SLC38A9: variants seen among roughly 807,000 people sequenced by gnomAD.
SLC38A9 encodes the protein solute carrier family 38 member 9.
In SLC38A9, 48 loss-of-function variants were observed where a neutral mutation model predicts 62.3. That is an observed-to-expected ratio of 0.77 (90% CI 0.61 to 0.98). SLC38A9 has a LOEUF of 0.98. SLC38A9 is among the 50% of genes least tolerant of loss of function. The probability of loss-of-function intolerance (pLI) is 0.00; values close to 1 mark genes in which losing one functional copy is unlikely to be tolerated. For synonymous variants in SLC38A9, 204 were observed against 227.7 expected (o/e 0.90, Z 0.94); for missense variants, 541 against 679.8 (o/e 0.80, Z 2.27).
At chr5:55,671,870 C>T (rs1461665662) in intron 4 of SLC38A9, among the ~76,000 whole-genome samples, 7 of 152,042 alleles carry the variant, frequency 4.6e-5, no homozygotes, top group Non-Finnish European at 7.4e-5. Flanking sequence ...ATGGGTCACA[C>T]TCTTTTGCTC....
intron 3 of SLC38A9, among the ~76,000 whole-genome samples, chr5:55,683,651 A>G (rs13174712): frequency 0.6 from 91,231 of 152,070 alleles, 27,946 homozygotes; most frequent in South Asian, 0.7. Flanking sequence ...AGAATAATAC[A>G]ATATATATTT....
chr5:55,626,719 G>T, intron 15 of SLC38A9, 60 bp from the exon 16 acceptor site: 1 of 1,407,188 alleles, frequency 7.1e-7, no homozygotes, highest in Non-Finnish European at 9.5e-7. Context: ...TTACAATTAA[G>T]GTAAACATAG....
intron 12 of SLC38A9, among the ~76,000 whole-genome samples, chr5:55,641,266 A>C (rs980224935): frequency 1.1e-4 from 16 of 152,356 alleles, no homozygotes; most frequent in African/African-American, 3.8e-4. Context: ...TAACTTAACA[A>C]TATGGAGCAG....
intron 12 of SLC38A9, among the ~76,000 whole-genome samples, chr5:55,644,359 GTTTTCTATTTGTC>G (rs1745946546): frequency 1.2e-5 from 1 of 80,526 alleles, no homozygotes; most frequent in African/African-American, 3.8e-5. Flanking sequence ...GTCACTATTT[GTTTTCTATTTGTC>G]ACATCTATTC....
In SLC38A9 at chr5:55,664,867, G is replaced by T. The variant is rs765192231; in HGVS notation, c.527-4C>A. On this transcript the variant is annotated splice_polypyrimidine_tract_variant and splice_region_variant and intron_variant, in intron 7 of 15. Transcript: ENST00000396865. ...CAGCTAGTGGTATCCAACGAAACTAGATAAAATAAGAGAAAGAATAAAACT... is the reference window on the plus strand; with the variant it reads ...CAGCTAGTGGTATCCAACGAAACTATATAAAATAAGAGAAAGAATAAAACT... 2 of 1,506,206 alleles carry T rather than the reference G, an allele frequency of 1.3e-6. No individual in the cohort carries two copies. The highest frequency in any genetic ancestry group is 2.6e-5 in the South Asian group (2 of 75,832). 93.3% of individuals were successfully genotyped at this position (1,506,206 alleles called of 1,614,324 possible).
intron 3 of SLC38A9, among the ~76,000 whole-genome samples, chr5:55,684,732 C>T (rs1580343803): frequency 6.6e-6 from 1 of 152,236 alleles, no homozygotes; most frequent in African/African-American, 2.4e-5. Flanking sequence ...CAGCTCACTG[C>T]AGTCTCTACC....
intron 8 of SLC38A9, among the ~76,000 whole-genome samples, chr5:55,663,849 A>G (rs1327548919): frequency 6.6e-6 from 1 of 152,214 alleles, no homozygotes; most frequent in African/African-American, 2.4e-5. Context: ...CTCTTAGGGA[A>G]ATTAGCTGTT....
At chr5:55,692,939 A>T (rs1754946239) in intron 3 of SLC38A9, 1 of 980,238 alleles carries the variant, frequency 1.0e-6, no homozygotes, top group Non-Finnish European at 1.2e-6. Context: ...TAAATTTCTC[A>T]TGTGATAAAT....
At chr5:55,653,081 T>C (rs2408027) in intron 9 of SLC38A9, among the ~76,000 whole-genome samples, 90,347 of 151,856 alleles carry the variant, frequency 0.59, 27,548 homozygotes, top group South Asian at 0.7. Context: ...ATTCTCTTGT[T>C]GCAGCCTCCC....
At chr5:55,670,618 A>G (rs1217482455) in intron 4 of SLC38A9, among the ~76,000 whole-genome samples, 1 of 152,226 alleles carries the variant, frequency 6.6e-6, no homozygotes, top group Non-Finnish European at 1.5e-5. Flanking sequence ...TTGACTTCCT[A>G]GACTCATCTC....
At chr5:55,710,353 G>A (rs1427855082) in intron 2 of SLC38A9, among the ~76,000 whole-genome samples, 2 of 151,106 alleles carry the variant, frequency 1.3e-5, no homozygotes, top group African/African-American at 4.9e-5. Context: ...CAGATGAGAC[G>A]CATACCACCA....
chr5:55,662,712 A>C (rs1749808529), intron 8 of SLC38A9, among the ~76,000 whole-genome samples: 1 of 151,770 alleles, frequency 6.6e-6, no homozygotes, highest in Non-Finnish European at 1.5e-5. Context: ...CAAAACAAAT[A>C]GTGTATGTTG....
At chr5:55,650,710 A>G (rs559215104) in intron 10 of SLC38A9, among the ~76,000 whole-genome samples, 27 of 152,340 alleles carry the variant, frequency 1.8e-4, no homozygotes, top group Middle Eastern at 3.4e-3. Flanking sequence ...GCAGACAGGC[A>G]AAGAGAAATA....
rs1742408625 is a variant in SLC38A9 at position 55,626,389 on chromosome 5, A to G, written c.*105T>C. The G allele has an allele frequency of 9.7e-7, 1 of 1,031,680 alleles. No homozygotes were observed. Among genetic ancestry groups the G allele is most frequent in the African/African-American group, 1.6e-5 (1 of 61,792 alleles). The allele number at this position is 1,031,680 out of a possible 1,614,324, so 63.9% of individuals were successfully genotyped here. A position where few individuals can be genotyped will look rare whatever the true frequency, so the allele number is the denominator to read the frequency against. Reference sequence around the variant, plus strand: ...CCTTGCTTTCAAATTATCTTAGAAAATATTTAGAATTACACAACAGCAGCA... The same window carrying G: ...CCTTGCTTTCAAATTATCTTAGAAAGTATTTAGAATTACACAACAGCAGCA... On this transcript the variant is annotated 3_prime_UTR_variant, in exon 16 of 16. Transcript: ENST00000396865.
At position 55,669,855 on chromosome 5, in the gene SLC38A9, C is replaced by A. The variant is rs1237373721; in HGVS notation, c.271G>T (p.Ala91Ser). ...ALIAPDHVVP[A>S]PEECYVYSPL... ...CTATACACATAGCACTCTTCTGGAG[C>A]TGGAACTACATGGTCTGGGGCAATC... Residue 91 changes from alanine to serine, a missense_variant, in exon 5 of 16, where the codon GCT becomes TCT. Physicochemically the swap from Ala to Ser is moderately conservative, Grantham distance 99. Transcript: ENST00000396865. The A allele has an allele frequency of 1.1e-5, 17 of 1,610,256 alleles. No individual in the cohort carries two copies. Among genetic ancestry groups the A allele is most frequent in the Non-Finnish European group, 1.4e-5 (17 of 1,178,916 alleles).
intron 9 of SLC38A9, among the ~76,000 whole-genome samples, chr5:55,656,445 T>C (rs1748437311): frequency 6.6e-6 from 1 of 151,870 alleles, no homozygotes; most frequent in Non-Finnish European, 1.5e-5. Context: ...CAGGCAAATA[T>C]GGATACTGTA....
chr5:55,688,706 ATTT>A (rs75233519), intron 3 of SLC38A9, among the ~76,000 whole-genome samples: 90,939 of 151,772 alleles, frequency 0.6, 27,809 homozygotes, highest in South Asian at 0.7. Context: ...TTAAGCAATT[ATTT>A]TTAATACCCC....
chr5:55,646,991 C>T (rs1322266719), intron 11 of SLC38A9, among the ~76,000 whole-genome samples: 4 of 152,228 alleles, frequency 2.6e-5, no homozygotes, highest in Admixed American at 1.3e-4. Context: ...CTCAAGTAAT[C>T]CTCCCACCAC....
At chr5:55,659,269 A>T (rs1749022732) in intron 8 of SLC38A9, among the ~76,000 whole-genome samples, 2 of 131,412 alleles carry the variant, frequency 1.5e-5, no homozygotes, top group Non-Finnish European at 3.4e-5. Flanking sequence ...CAATATATAC[A>T]TATAGATACA....
Sources: allele counts gnomAD v4.1 joint callset (sites outside exome capture counted in the v4.1 genomes callset), GRCh38; gene constraint gnomAD v4.1.1; transcripts MANE v1.5; gene names NCBI Gene and HGNC (gene_info 2026-07-23, HGNC 2026-07-21).